The following NAE1 variants were observed in gnomAD, a reference collection of about 807,000 sequenced individuals.
The protein encoded by NAE1 is NEDD8 activating enzyme E1 subunit 1.
In NAE1, 59 loss-of-function variants were observed where a neutral mutation model predicts 88.0. That is an observed-to-expected ratio of 0.67 (90% CI 0.54 to 0.83). The LOEUF (loss-of-function observed/expected upper bound fraction) is 0.83, where lower values mean the gene tolerates loss of function less well. Ranked by LOEUF, NAE1 falls within the 40% of genes least tolerant of loss-of-function variation. The pLI is 0.00. For missense variants in NAE1, 554 were observed against 632.8 expected (o/e 0.88, Z 1.34); for synonymous variants, 186 against 208.9 (o/e 0.89, Z 0.95).
intron 1 of NAE1, among the ~76,000 whole-genome samples, chr16:66,827,216 AAAT>A (rs1960494173): frequency 6.6e-6 from 1 of 151,922 alleles, no homozygotes; most frequent in African/African-American, 2.4e-5. Context: ...TGGCCTCCCA[AAAT>A]GCTGGGATTA....
chr16:66,829,024 T>C (rs363218), intron 1 of NAE1, among the ~76,000 whole-genome samples: 176 of 151,740 alleles, frequency 1.2e-3, no homozygotes, highest in African/African-American at 3.8e-3. Context: ...GGTGTGTCTC[T>C]AAGTAACATG....
chr16:66,811,872 G>A (rs1567489690), intron 13 of NAE1, among the ~76,000 whole-genome samples: 1 of 152,146 alleles, frequency 6.6e-6, no homozygotes, highest in Non-Finnish European at 1.5e-5. Context: ...TCGTTCAATG[G>A]TGACATGATA....
intron 6 of NAE1, among the ~76,000 whole-genome samples, chr16:66,821,921 G>A (rs989615344): frequency 1.3e-5 from 2 of 152,156 alleles, no homozygotes; most frequent in African/African-American, 2.4e-5. Flanking sequence ...CCAGGCTGGA[G>A]TGCAGTGGCA....
chr16:66,821,634 GA>G, intron 6 of NAE1, 75 bp from the exon 7 acceptor site: 1 of 1,253,140 alleles, frequency 8.0e-7, no homozygotes, highest in Non-Finnish European at 1.1e-6. Context: ...TGCAAAACAT[GA>G]AAATGTCTTA....
At chr16:66,807,073 A>G (rs192185672) in intron 17 of NAE1, among the ~76,000 whole-genome samples, 4 of 152,254 alleles carry the variant, frequency 2.6e-5, no homozygotes, top group Admixed American at 2.0e-4. Flanking sequence ...TACATGAGTA[A>G]AAATGTCTTC....
chr16:66,825,412 A>G (rs1960427251), intron 3 of NAE1, among the ~76,000 whole-genome samples: 1 of 149,196 alleles, frequency 6.7e-6, no homozygotes, highest in Non-Finnish European at 1.5e-5. Context: ...GCACCACGGC[A>G]CTCCAGCCTG....
chr16:66,827,034 C>A (rs575042359), intron 1 of NAE1, among the ~76,000 whole-genome samples: 4 of 152,264 alleles, frequency 2.6e-5, no homozygotes, highest in African/African-American at 9.6e-5. Flanking sequence ...CCCTTATCAG[C>A]CTGGGCACAA....
In NAE1 at chr16:66,810,427, A is replaced by T; in HGVS notation, c.1111-14T>A. 1 of 1,595,118 alleles carries T rather than the reference A, an allele frequency of 6.3e-7. No individual in the cohort carries two copies. The highest frequency in any genetic ancestry group is 8.6e-7 in the Non-Finnish European group (1 of 1,165,564). On this transcript the variant is annotated splice_polypyrimidine_tract_variant and intron_variant, in intron 14 of 19. Transcript: ENST00000290810. The stretch of plus-strand genomic sequence containing the variant: ...GGACTCTGGTGCCTGTAAAGAGATA[A>T]ATACAGATTCTGTTCCAGTTTAAAA...
intron 7 of NAE1, among the ~76,000 whole-genome samples, chr16:66,821,035 C>T (rs1374197932): frequency 2.0e-5 from 3 of 152,212 alleles, no homozygotes; most frequent in East Asian, 3.9e-4. Context: ...TGCCATTGTA[C>T]TCCAGCCTGG....
intron 15 of NAE1, among the ~76,000 whole-genome samples, chr16:66,809,474 A>G (rs866272327): frequency 6.6e-6 from 1 of 152,144 alleles, no homozygotes; most frequent in African/African-American, 2.4e-5. Context: ...GTCCTAAAGG[A>G]GAGAGGTTTA....
At chr16:66,826,636 TAAAG>T (rs766003213) in intron 2 of NAE1, 37 bp downstream of exon 2, 1 of 1,613,716 alleles carries the variant, frequency 6.2e-7, no homozygotes, top group South Asian at 1.1e-5. Context: ...GTCATAAACT[TAAAG>T]AAGTATATTT....
At chr16:66,807,707 G>A (rs529743687) in intron 17 of NAE1, among the ~76,000 whole-genome samples, 1 of 152,048 alleles carries the variant, frequency 6.6e-6, no homozygotes, top group Admixed American at 6.6e-5. Flanking sequence ...CAGGTTTTAT[G>A]ATACCCCTAG....
chr16:66,803,754 A>T (rs1211700826), intron 19 of NAE1, among the ~76,000 whole-genome samples: 1 of 151,876 alleles, frequency 6.6e-6, no homozygotes. Context: ...CCACACCTGG[A>T]TAATTTTTTT....
intron 7 of NAE1, among the ~76,000 whole-genome samples, chr16:66,820,854 T>C (rs553268900): frequency 7.0e-6 from 1 of 142,622 alleles, no homozygotes; most frequent in South Asian, 2.2e-4. Context: ...TGAGCCAAGA[T>C]CGCGCCACTG....
At chr16:66,808,705 A>G (rs1443308013) in intron 16 of NAE1, 92 bp from the exon 17 acceptor site, 2 of 936,600 alleles carry the variant, frequency 2.1e-6, no homozygotes, top group Non-Finnish European at 3.4e-6. Context: ...GAGTTTCAGG[A>G]CTATTAACTG....
At chr16:66,819,088 C>T (rs1019109783) in intron 7 of NAE1, among the ~76,000 whole-genome samples, 6 of 152,084 alleles carry the variant, frequency 3.9e-5, no homozygotes, top group African/African-American at 1.2e-4. Context: ...TATTAAGGTA[C>T]GATTTACATA....
chr16:66,814,252 A>G (rs1367919070), intron 11 of NAE1, among the ~76,000 whole-genome samples: 3 of 152,194 alleles, frequency 2.0e-5, no homozygotes, highest in Non-Finnish European at 1.5e-5. Flanking sequence ...GAAAAAAACT[A>G]AAACCATAAA....
intron 13 of NAE1, among the ~76,000 whole-genome samples, chr16:66,811,190 CT>C (rs1386020714): frequency 1.1e-4 from 16 of 152,186 alleles, no homozygotes; most frequent in African/African-American, 3.9e-4. Context: ...CAGGATCTCG[CT>C]CTGCCACCCA....
intron 1 of NAE1, among the ~76,000 whole-genome samples, chr16:66,829,776 T>C (rs1196547459): frequency 2.0e-5 from 3 of 152,230 alleles, no homozygotes; most frequent in African/African-American, 7.2e-5. Flanking sequence ...GGCTTAGGCC[T>C]GCACTGTCCA....
Sources: allele counts gnomAD v4.1 joint callset (sites outside exome capture counted in the v4.1 genomes callset), GRCh38; gene constraint gnomAD v4.1.1; transcripts MANE v1.5; gene names NCBI Gene and HGNC (gene_info 2026-07-23, HGNC 2026-07-21).